The following EYS variants were observed in gnomAD, a reference collection of about 807,000 sequenced individuals.
EYS encodes the protein protein eyes shut homolog.
Under a neutral mutation model 282.1 loss-of-function variants are expected in EYS, and 250 were observed. That is an observed-to-expected ratio of 0.89 (90% CI 0.80 to 0.98). The LOEUF (loss-of-function observed/expected upper bound fraction) is 0.98, where lower values mean the gene tolerates loss of function less well. Among genes scored for constraint, EYS ranks in the 50% least tolerant of loss-of-function variants. The pLI is 0.00. For missense variants in EYS, 4,016 were observed against 3,709.0 expected (o/e 1.08, Z -2.15); for synonymous variants, 1,355 against 1,282.9 (o/e 1.06, Z -1.20).
intron 11 of EYS, among the ~76,000 whole-genome samples, chr6:65,319,327 C>A (rs1338852459): frequency 1.3e-5 from 2 of 150,824 alleles, no homozygotes; most frequent in African/African-American, 4.9e-5. Context: ...TTGTGGTGAG[C>A]CAAGATCACA....
chr6:64,566,716 A>G (rs1029632563), intron 26 of EYS, among the ~76,000 whole-genome samples: 3 of 152,176 alleles, frequency 2.0e-5, no homozygotes, highest in African/African-American at 4.8e-5. Context: ...GAAAACATGT[A>G]GGGAAATTAC....
chr6:63,894,435 C>T (rs1176936912), intron 35 of EYS, among the ~76,000 whole-genome samples: 1 of 152,112 alleles, frequency 6.6e-6, no homozygotes, highest in Admixed American at 6.6e-5. Context: ...ACTGAGGATG[C>T]CAGCAGCCAC....
chr6:65,209,527 A>G, intron 12 of EYS, among the ~76,000 whole-genome samples: 1 of 151,876 alleles, frequency 6.6e-6, no homozygotes, highest in East Asian at 1.9e-4. Flanking sequence ...TTCTGGCCCA[A>G]TTTAATGTTT....
chr6:65,307,148 A>T (rs1456395369), intron 11 of EYS, among the ~76,000 whole-genome samples: 1 of 148,028 alleles, frequency 6.8e-6, no homozygotes, highest in African/African-American at 2.5e-5. Flanking sequence ...CTGGCCTCAC[A>T]GAGTTTCATT....
rs140289342 is a variant in EYS at position 64,787,450 on chromosome 6, CT to C, written c.3443+25927del. 4.1e-3 allele frequency among the ~76,000 whole-genome samples: 625 copies of C among 151,702 alleles called. 6 individuals carry two copies. The highest frequency in any genetic ancestry group is 0.015 in the African/African-American group (606 of 41,448). On this transcript the variant is annotated intron_variant, in intron 22 of 42. Transcript: ENST00000503581. The stretch of plus-strand genomic sequence containing the variant: ...ATCCTTTGCATATTATTTTTAAAAA[CT>C]TTGTTTTTTTTTCTCTATGTTGAAA...
At chr6:65,187,831 T>C (rs563598325) in intron 12 of EYS, among the ~76,000 whole-genome samples, 6 of 151,816 alleles carry the variant, frequency 4.0e-5, no homozygotes, top group African/African-American at 1.4e-4. Flanking sequence ...TATATTCATA[T>C]AAAAATATTG....
At chr6:65,703,348 A>C (rs1374028609) in intron 1 of EYS, among the ~76,000 whole-genome samples, 1 of 152,180 alleles carries the variant, frequency 6.6e-6, no homozygotes, top group African/African-American at 2.4e-5. Flanking sequence ...ATAGATATAT[A>C]ATAAGAAAAT....
intron 9 of EYS, among the ~76,000 whole-genome samples, chr6:65,344,941 A>G (rs1040517720): frequency 6.6e-6 from 1 of 151,848 alleles, no homozygotes; most frequent in African/African-American, 2.4e-5. Flanking sequence ...ATTTATCTAA[A>G]GAATCTTTTA....
chr6:64,465,346 T>C (rs1028314941), intron 26 of EYS, among the ~76,000 whole-genome samples: 2 of 152,148 alleles, frequency 1.3e-5, no homozygotes, highest in African/African-American at 2.4e-5. Flanking sequence ...GGCAGCATAC[T>C]ACTTGATTTC....
chr6:64,363,204 C>G (rs1001288178), intron 29 of EYS, among the ~76,000 whole-genome samples: 9 of 151,850 alleles, frequency 5.9e-5, no homozygotes, highest in Admixed American at 5.3e-4. Flanking sequence ...AAGTGGTTTT[C>G]AATGTCGATT....
intron 12 of EYS, among the ~76,000 whole-genome samples, chr6:65,136,073 A>G (rs190833836): frequency 6.6e-6 from 1 of 152,178 alleles, no homozygotes; most frequent in East Asian, 1.9e-4. Flanking sequence ...AGAATTAAAT[A>G]ATAAAGACAA....
chr6:63,864,273 C>G lies in EYS; in HGVS notation c.7141G>C (p.Gly2381Arg). Reference protein sequence around the residue: ...QFASCENNPCGNGATCVPKSG... With the variant: ...QFASCENNPCRNGATCVPKSG... Reference sequence around the variant, plus strand: ...TTTGGAACACAGGTGGCACCATTTCCACATGGGTTGTTTTCACAACTTGCA... The same window carrying G: ...TTTGGAACACAGGTGGCACCATTTCGACATGGGTTGTTTTCACAACTTGCA... The change falls in exon 36 of 43, where the codon GGA becomes CGA. Residue 2381 changes from glycine (G) to arginine (R), a missense_variant. Transcript: ENST00000503581. The G allele has an allele frequency of 6.4e-7, 1 of 1,551,428 alleles. No homozygotes were observed. Among genetic ancestry groups the G allele is most frequent in the Non-Finnish European group, 8.7e-7 (1 of 1,146,798 alleles).
intron 5 of EYS, among the ~76,000 whole-genome samples, chr6:65,455,963 AGGAAGGAAGGG>A (rs1340338825): frequency 1.3e-5 from 2 of 151,354 alleles, no homozygotes; most frequent in African/African-American, 4.9e-5. Context: ...GAAGGAAGGA[AGGAAGGAAGGG>A]GAAAGAAAGA....
In EYS at chr6:64,840,327, G is replaced by C. The variant is rs144440148; in HGVS notation, c.2993-17505C>G. ...GTGCAATAAAATTAATCCATAAAAA[G>C]TGAAATAATAAAAATGTAACTTGCA... On this transcript the variant is annotated intron_variant, in intron 19 of 42. Coordinates refer to ENST00000503581, the MANE Select transcript of EYS (RefSeq NM_001142800.2). Among the ~76,000 whole-genome samples the C allele has an allele frequency of 4.8e-3, 730 of 152,116 alleles. 10 individuals carry two copies. The highest frequency in any genetic ancestry group is 4.8e-3 in the Non-Finnish European group (324 of 67,990).
intron 22 of EYS, among the ~76,000 whole-genome samples, chr6:64,651,136 T>C (rs187913829): frequency 1.0e-3 from 153 of 152,128 alleles, no homozygotes; most frequent in African/African-American, 3.5e-3. Context: ...AATGTCTTTC[T>C]AACCTAAAAA....
chr6:65,643,189 G>A (rs922264652), intron 1 of EYS, among the ~76,000 whole-genome samples: 1 of 152,198 alleles, frequency 6.6e-6, no homozygotes, highest in Non-Finnish European at 1.5e-5. Context: ...TTGTTGGGGG[G>A]ACACAGTGGG....
At chr6:65,145,934 G>T (rs1764466114) in intron 12 of EYS, among the ~76,000 whole-genome samples, 1 of 151,564 alleles carries the variant, frequency 6.6e-6, no homozygotes, top group Admixed American at 6.6e-5. Flanking sequence ...TTACATTTTG[G>T]ATACTCTATT....
intron 31 of EYS, among the ~76,000 whole-genome samples, chr6:64,188,537 A>T (rs541060988): frequency 6.6e-6 from 1 of 152,220 alleles, no homozygotes; most frequent in East Asian, 1.9e-4. Context: ...GTGAGATTCA[A>T]ATTTAATTGG....
At chr6:65,112,999 G>A (rs142119485) in intron 12 of EYS, among the ~76,000 whole-genome samples, 91 of 152,060 alleles carry the variant, frequency 6.0e-4, no homozygotes, top group Non-Finnish European at 1.0e-3. Flanking sequence ...AATGAATTGC[G>A]ATAGCATGCA....
Sources: allele counts gnomAD v4.1 joint callset (sites outside exome capture counted in the v4.1 genomes callset), GRCh38; gene constraint gnomAD v4.1.1; transcripts MANE v1.5; gene names NCBI Gene and HGNC (gene_info 2026-07-23, HGNC 2026-07-21).